KHSRP: variants seen among roughly 807,000 people sequenced by gnomAD.
KHSRP encodes KH-type splicing regulatory protein.
KHSRP carries 13 observed loss-of-function variants against 94.9 expected under a neutral mutation model. That is an observed-to-expected ratio of 0.14 (90% CI 0.09 to 0.22). The LOEUF (loss-of-function observed/expected upper bound fraction) is 0.22. Among genes scored for constraint, KHSRP ranks in the 10% least tolerant of loss-of-function variants. The pLI is 1.00. For synonymous variants in KHSRP, 495 were observed against 401.4 expected, an observed-to-expected ratio of 1.23 and a Z score of -2.79; for missense variants, 710 against 1,010.0, an observed-to-expected ratio of 0.70 and a Z score of 4.03.
rs1418496097 is a variant in KHSRP at position 6,414,570 on chromosome 19, G to A, written c.*454C>T. 1.9e-5 allele frequency: 19 copies of A among 1,017,532 alleles called. No individual in the cohort carries two copies. The highest frequency in any genetic ancestry group is 3.4e-5 in the African/African-American group (2 of 58,144). 63.0% of individuals were successfully genotyped at this position (1,017,532 alleles called of 1,614,324 possible). A position where few individuals can be genotyped will look rare whatever the true frequency, so the allele number is the denominator to read the frequency against. On this transcript the variant is annotated 3_prime_UTR_variant, in exon 19 of 19. Coordinates refer to ENST00000600480, the MANE Select transcript of KHSRP (RefSeq NM_001366299.1). ...CACAGGCAAGCGCGAGCGCATGGGA[G>A]GCTGAGCCCGGCGGGGCAGGGGCCT...
chr19:6,418,047 C>T lies in KHSRP; in HGVS notation c.912G>A (p.Arg304=). 1 of 1,613,986 alleles carries T rather than the reference C, an allele frequency of 6.2e-7. No homozygotes were observed. Among genetic ancestry groups the T allele is most frequent in the Admixed American group, 1.7e-5 (1 of 60,020 alleles). ...CCCCAAAGCCGCCTTGGTCACGTTC[C>T]CGGAGGATGTCCATCACCATCTCAC... ...QACEMVMDIL[R]ERDQGGFGDR... is the part of the protein sequence containing the mutation. Residue 304 remains arginine, a synonymous_variant, in exon 10 of 19, where the codon CGG becomes CGA. Coordinates refer to ENST00000600480, the MANE Select transcript of KHSRP (RefSeq NM_001366299.1). This position sits in a 1 kb window ranked among gnomAD's most constrained non-coding sequence, Gnocchi z 4.3.
chr19:6,413,824 AG>A lies in KHSRP; in HGVS notation c.*1199del, dbSNP rs1214279843. 7.9e-5 allele frequency: 14 copies of A among 178,036 alleles called. No homozygotes were observed. The Admixed American group carries it at 8.8e-4, about 11-fold the overall frequency. 11.0% of individuals were successfully genotyped at this position (178,036 alleles called of 1,614,324 possible). A position where few individuals can be genotyped will look rare whatever the true frequency, so the allele number is the denominator to read the frequency against. ...TTGCTCTTTGTGTTTTTAATTTTTA[AG>A]TTTTTTTTTTTTTTTGGCAGAGATT... On this transcript the variant is annotated 3_prime_UTR_variant, in exon 19 of 19. Coordinates refer to ENST00000600480, the MANE Select transcript of KHSRP (RefSeq NM_001366299.1).
At position 6,414,683 on chromosome 19, in the gene KHSRP, T is replaced by C. The variant is rs1313859454; in HGVS notation, c.*341A>G. 9.9e-7 allele frequency: 1 copy of C among 1,014,496 alleles called. No homozygotes were observed. The highest frequency in any genetic ancestry group is 1.7e-5 in the African/African-American group (1 of 57,904). The allele number at this position is 1,014,496 out of a possible 1,614,324, so 62.8% of individuals were successfully genotyped here. ...TGGACACAGGAAAAAAGATCATGGG[T>C]TTAAAAAATAAAAGAATAAAAAGAA... On this transcript the variant is annotated 3_prime_UTR_variant, in exon 19 of 19. Transcript: ENST00000600480.
rs768861049 is a variant in KHSRP, at chr19:6,413,320, G to C, written c.*1704C>G. 3.4e-6 allele frequency: 1 copy of C among 298,186 alleles called. No homozygotes were observed. Among genetic ancestry groups the C allele is most frequent in the Non-Finnish European group, 6.8e-6 (1 of 147,586 alleles). 18.5% of individuals were successfully genotyped at this position (298,186 alleles called of 1,614,324 possible). A position where few individuals can be genotyped will look rare whatever the true frequency, so the allele number is the denominator to read the frequency against. ...AAACTACAGGGAGGGAAGGAAAGGG[G>C]GGGAGACAGACAGCACCCGCAGACG... On this transcript the variant is annotated 3_prime_UTR_variant, in exon 19 of 19. Coordinates refer to ENST00000600480, the MANE Select transcript of KHSRP (RefSeq NM_001366299.1).
Position 6,418,507 on chromosome 19 carries a change from G to A in KHSRP, c.855C>T (p.Ile285=), listed in dbSNP as rs1327954462. The A allele has an allele frequency of 1.2e-6, 2 of 1,613,670 alleles. No individual in the cohort carries two copies. Among genetic ancestry groups the A allele is most frequent in the African/African-American group, 2.7e-5 (2 of 74,910 alleles). The change falls in exon 9 of 19, where the codon ATC becomes ATT. Residue 285 remains isoleucine, a synonymous_variant. Coordinates refer to ENST00000600480, the MANE Select transcript of KHSRP (RefSeq NM_001366299.1). This position sits in a 1 kb window ranked among gnomAD's most constrained non-coding sequence, Gnocchi z 4.3. ...CCTGCACTTTGTAAGGATCCCCAAT[G>A]ATGCGGAGAGGTTTGTCCACATTCG... The part of the protein sequence containing the change: ...QNTNVDKPLR[I]IGDPYKVQQA...
At position 6,415,310 on chromosome 19, in the gene KHSRP, G is replaced by A. The variant is rs780354458; in HGVS notation, c.1967-9C>T. 1.5e-5 allele frequency: 25 copies of A among 1,613,350 alleles called. No individual in the cohort carries two copies. The highest frequency in any genetic ancestry group is 4.5e-5 in the East Asian group (2 of 44,890). On this transcript the variant is annotated splice_polypyrimidine_tract_variant and intron_variant, in intron 18 of 18. Transcript: ENST00000600480. ...TCCGGTGGCCACTTGCGCTGTGGGTGGACAAAGGCAGGTGAGAGGCTGTGG... is the reference window on the plus strand; with the variant it reads ...TCCGGTGGCCACTTGCGCTGTGGGTAGACAAAGGCAGGTGAGAGGCTGTGG...
At position 6,417,092 on chromosome 19, in the gene KHSRP, G is replaced by C. The variant is rs776942607; in HGVS notation, c.1082-5C>G. On this transcript the variant is annotated splice_polypyrimidine_tract_variant and splice_region_variant and intron_variant, in intron 11 of 18. Coordinates refer to ENST00000600480, the MANE Select transcript of KHSRP (RefSeq NM_001366299.1). ...TCTCGGGCCCTGTCCCGTCATCTGA[G>C]GCCAGCACCGAGAGAGCAGAGACAC... The C allele has an allele frequency of 1.2e-5, 20 of 1,602,208 alleles. No individual in the cohort carries two copies. Among genetic ancestry groups the C allele is most frequent in the East Asian group, 4.5e-5 (2 of 44,834 alleles).
In KHSRP at chr19:6,418,622, G is replaced by A. The variant is rs762813481; in HGVS notation, c.781-41C>T. On this transcript the variant is annotated intron_variant, in intron 8 of 18. Coordinates refer to ENST00000600480, the MANE Select transcript of KHSRP (RefSeq NM_001366299.1). This position sits in a 1 kb window ranked among gnomAD's most constrained non-coding sequence, Gnocchi z 4.3. ...TAACCGTTAGTGCTGGGCTCTCCCAGGACTTCCTGGGCTGCTGTGGTGGTG... is the reference window on the plus strand; with the variant it reads ...TAACCGTTAGTGCTGGGCTCTCCCAAGACTTCCTGGGCTGCTGTGGTGGTG... 3 of 1,613,172 alleles carry A rather than the reference G, an allele frequency of 1.9e-6. No individual in the cohort carries two copies. The highest frequency in any genetic ancestry group is 2.2e-5 in the East Asian group (1 of 44,888).
rs1568340126 is a variant in KHSRP at position 6,414,295 on chromosome 19, GCGGGACTCGCTGAAGTCAC to G, written c.*710_*728del. 7.2e-7 allele frequency: 1 copy of G among 1,394,244 alleles called. No individual in the cohort carries two copies. The highest frequency in any genetic ancestry group is 1.5e-5 in the African/African-American group (1 of 68,228). 86.4% of individuals were successfully genotyped at this position (1,394,244 alleles called of 1,614,324 possible). ...TTGTTAACTGTCTAGCCAGGTGCTC[GCGGGACTCGCTGAAGTCAC>G]GCTGCTCCCTGATGGAGAAGGAGGG... On this transcript the variant is annotated 3_prime_UTR_variant, in exon 19 of 19. Transcript: ENST00000600480.
At chr19:6,415,478 G>A (rs1311709749) in intron 17 of KHSRP, 21 bp from the exon 18 acceptor site, 4 of 1,552,326 alleles carry the variant, frequency 2.6e-6, no homozygotes, top group African/African-American at 2.7e-5. Context: ...GCCGAGACAG[G>A]TCAGAAACCA....
intron 10 of KHSRP, 61 bp from the exon 11 acceptor site, chr19:6,417,902 T>A (rs2145117679): frequency 6.2e-7 from 1 of 1,604,222 alleles, no homozygotes; most frequent in Non-Finnish European, 8.5e-7. Context: ...TGCTGCCCAC[T>A]GGCCACAAGG....
Position 6,420,095 on chromosome 19 carries a change from G to A in KHSRP, c.525C>T (p.Gly175=). 1 of 1,613,576 alleles carries A rather than the reference G, an allele frequency of 6.2e-7. No homozygotes were observed. Among genetic ancestry groups the A allele is most frequent in the Non-Finnish European group, 8.5e-7 (1 of 1,179,548 alleles). ...EQINKIQQDS[G]CKVQISPDSG... is the part of the protein sequence containing the mutation. ...TACCTGGAGAAATCTGTACTTTGCAGCCTGAATCCTGTTGGATTTTGTTAA... is the reference window on the plus strand; with the variant it reads ...TACCTGGAGAAATCTGTACTTTGCAACCTGAATCCTGTTGGATTTTGTTAA... The change falls in exon 6 of 19, where the codon GGC becomes GGT. Residue 175 remains glycine, a synonymous_variant. Transcript: ENST00000600480.
In KHSRP at chr19:6,413,512, C is replaced by A; in HGVS notation, c.*1512G>T. On this transcript the variant is annotated 3_prime_UTR_variant, in exon 19 of 19. Coordinates refer to ENST00000600480, the MANE Select transcript of KHSRP (RefSeq NM_001366299.1). ...CTGGGAGGGGGGACGGGCGGGGCCG[C>A]GGGAGCTGAGCCAGGGCGGGAGGGA... 1 of 182,260 alleles carries A rather than the reference C, an allele frequency of 5.5e-6. No homozygotes were observed. Among genetic ancestry groups the A allele is most frequent in the South Asian group, 5.0e-5 (1 of 20,102 alleles). The allele number at this position is 182,260 out of a possible 1,614,324, so 11.3% of individuals were successfully genotyped here. A position where few individuals can be genotyped will look rare whatever the true frequency, so the allele number is the denominator to read the frequency against.
chr19:6,414,690 A>G lies in KHSRP; in HGVS notation c.*334T>C. ...AGGAAAAAAGATCATGGGTTTAAAAAATAAAAGAATAAAAAGAACAAAAAC... is the reference window on the plus strand; with the variant it reads ...AGGAAAAAAGATCATGGGTTTAAAAGATAAAAGAATAAAAAGAACAAAAAC... On this transcript the variant is annotated 3_prime_UTR_variant, in exon 19 of 19. Coordinates refer to ENST00000600480, the MANE Select transcript of KHSRP (RefSeq NM_001366299.1). 9.8e-7 allele frequency: 1 copy of G among 1,019,526 alleles called. No individual in the cohort carries two copies. Among genetic ancestry groups the G allele is most frequent in the Non-Finnish European group, 1.2e-6 (1 of 852,806 alleles). 63.2% of individuals were successfully genotyped at this position (1,019,526 alleles called of 1,614,324 possible). A position where few individuals can be genotyped will look rare whatever the true frequency, so the allele number is the denominator to read the frequency against.
Position 6,415,238 on chromosome 19 carries a change from G to A in KHSRP, c.2030C>T (p.Ala677Val). Reference protein sequence around the residue: ...PPGSQPDYSAAWAEYYRQQAA... With the variant: ...PPGSQPDYSAVWAEYYRQQAA... ...CTGCTGTCTGTAATATTCCGCCCAG[G>A]CGGCACTGTAGTCTGGCTGGGAGCC... is the stretch of plus-strand genomic sequence containing the variant. The change falls in exon 19 of 19, where the codon GCC becomes GTC. Residue 677 changes from alanine to valine, a missense_variant. Around this residue, in one of 5 missense-constraint regions of KHSRP, gnomAD observed 292 missense variants for 340.5 expected, o/e 0.86. Coordinates refer to ENST00000600480, the MANE Select transcript of KHSRP (RefSeq NM_001366299.1). 1 of 1,612,802 alleles carries A rather than the reference G, an allele frequency of 6.2e-7. No homozygotes were observed. The highest frequency in any genetic ancestry group is 8.5e-7 in the Non-Finnish European group (1 of 1,179,832).
Position 6,414,077 on chromosome 19 carries a change from T to C in KHSRP, c.*947A>G, listed in dbSNP as rs777193847. 1 of 1,595,844 alleles carries C rather than the reference T, an allele frequency of 6.3e-7. No homozygotes were observed. Among genetic ancestry groups the C allele is most frequent in the Admixed American group, 1.8e-5 (1 of 56,846 alleles). Reference sequence around the variant, plus strand: ...CAGAACAAAATGGAAAAAAAAAAGATTTTTCACAGATGAAGAAGTTCACAT... The same window carrying C: ...CAGAACAAAATGGAAAAAAAAAAGACTTTTCACAGATGAAGAAGTTCACAT... On this transcript the variant is annotated 3_prime_UTR_variant, in exon 19 of 19. Coordinates refer to ENST00000600480, the MANE Select transcript of KHSRP (RefSeq NM_001366299.1).
Position 6,414,536 on chromosome 19 carries a change from A to C in KHSRP, c.*488T>G. 1 of 1,033,026 alleles carries C rather than the reference A, an allele frequency of 9.7e-7. No individual in the cohort carries two copies. The highest frequency in any genetic ancestry group is 1.2e-6 in the Non-Finnish European group (1 of 861,098). The allele number at this position is 1,033,026 out of a possible 1,614,324, so 64.0% of individuals were successfully genotyped here. A position where few individuals can be genotyped will look rare whatever the true frequency, so the allele number is the denominator to read the frequency against. On this transcript the variant is annotated 3_prime_UTR_variant, in exon 19 of 19. Coordinates refer to ENST00000600480, the MANE Select transcript of KHSRP (RefSeq NM_001366299.1). ...GATCTTCACGCCCACTTCACAGACA[A>C]GCCCGGGACACAGGCAAGCGCGAGC...
Position 6,421,523 on chromosome 19 carries a change from G to A in KHSRP, c.385+127C>T, listed in dbSNP as rs542039452. The A allele has an allele frequency of 2.9e-5, 33 of 1,145,582 alleles. No homozygotes were observed. The South Asian group carries it at 3.8e-4, about 13-fold the overall frequency. The allele number at this position is 1,145,582 out of a possible 1,614,324, so 71.0% of individuals were successfully genotyped here. On this transcript the variant is annotated intron_variant, in intron 3 of 18. Transcript: ENST00000600480. ...GTTCCTGGGATCCCTCAAACGTATG[G>A]GCCCCAGAATGAAGCACCAGGGGCC...
In KHSRP at chr19:6,418,308, A is replaced by G. The variant is rs1041255197; in HGVS notation, c.879+175T>C. Among the ~76,000 whole-genome samples, 3 of 152,098 alleles carry G rather than the reference A, an allele frequency of 2.0e-5. No individual in the cohort carries two copies. Among genetic ancestry groups the G allele is most frequent in the Non-Finnish European group, 4.4e-5 (3 of 67,998 alleles). On this transcript the variant is annotated intron_variant, in intron 9 of 18. Coordinates refer to ENST00000600480, the MANE Select transcript of KHSRP (RefSeq NM_001366299.1). This position sits in a 1 kb window ranked among gnomAD's most constrained non-coding sequence, Gnocchi z 4.3. ...GGTGAGGCCGGTGCCTCACACACAC[A>G]AAGCTGGGAGTCAGTTCAGGGCCAT... is the stretch of plus-strand genomic sequence containing the variant.
Sources: allele counts gnomAD v4.1 joint callset (sites outside exome capture counted in the v4.1 genomes callset), GRCh38; gene constraint gnomAD v4.1.1; regional missense constraint gnomAD v4.1.1; non-coding constraint Gnocchi (gnomAD v3.1); transcripts MANE v1.5; gene names NCBI Gene and HGNC (gene_info 2026-07-23, HGNC 2026-07-21).